GNL2: variants seen among roughly 807,000 people sequenced by gnomAD.
GNL2 encodes G protein nucleolar 2, also known as nucleolar GTP-binding protein 2.
In GNL2, 51 loss-of-function variants were observed where a neutral mutation model predicts 92.3. That is an observed-to-expected ratio of 0.55 (90% confidence interval 0.44 to 0.70). GNL2 has a LOEUF of 0.70. Among genes scored for constraint, GNL2 ranks in the 30% least tolerant of loss-of-function variants. The probability of loss-of-function intolerance (pLI) is 0.00; values close to 1 mark genes in which losing one functional copy is unlikely to be tolerated. For missense variants in GNL2, 844 were observed against 895.6 expected, an observed-to-expected ratio of 0.94 and a Z score of 0.74; for synonymous variants, 283 against 300.6, an observed-to-expected ratio of 0.94 and a Z score of 0.61.
chr1:37,595,668 T>G, intron 1 of GNL2, 91 bp downstream of exon 1: 4 of 1,091,892 alleles, frequency 3.7e-6, no homozygotes, highest in Non-Finnish European at 5.6e-6. Context: ...GCAATGCCAC[T>G]CGAGTAACCC....
At position 37,576,551 on chromosome 1, in the gene GNL2, G is replaced by A; in HGVS notation, c.915C>T (p.His305=). 1 of 1,613,744 alleles carries A rather than the reference G, an allele frequency of 6.2e-7. No homozygotes were observed. The highest frequency in any genetic ancestry group is 8.5e-7 in the Non-Finnish European group (1 of 1,179,842). ...CAACACTGATCTGTTTCTTGTCAGTGTGCAACTGTTCAAAGAGAGAATACA... is the reference window on the plus strand; with the variant it reads ...CAACACTGATCTGTTTCTTGTCAGTATGCAACTGTTCAAAGAGAGAATACA... The part of the protein sequence containing the change: ...IQLLRQFGKL[H]TDKKQISVGF... Residue 305 remains histidine (H), a synonymous_variant, in exon 9 of 16, where the codon CAC becomes CAT. Coordinates refer to ENST00000373062, the MANE Select transcript of GNL2 (RefSeq NM_013285.3).
chr1:37,577,852 G>A (rs1214179833), intron 8 of GNL2, among the ~76,000 whole-genome samples: 1 of 152,180 alleles, frequency 6.6e-6, no homozygotes, highest in Non-Finnish European at 1.5e-5. Flanking sequence ...TATGAAAGTG[G>A]CTTTTGGATT....
chr1:37,570,073 G>A (rs1198385693), intron 12 of GNL2: 1 of 152,140 alleles, frequency 6.6e-6, no homozygotes, highest in African/African-American at 2.4e-5. Flanking sequence ...AAACTAACCA[G>A]TCTCATGTAT....
chr1:37,575,851 T>A lies in GNL2; in HGVS notation c.1039-152A>T, dbSNP rs1643669568. On this transcript the variant is annotated intron_variant, in intron 9 of 15. Coordinates refer to ENST00000373062, the MANE Select transcript of GNL2 (RefSeq NM_013285.3). The surrounding 1 kb of genome is among the most constrained non-coding windows in gnomAD (Gnocchi z 4.1). ...AGTAATTAAGCTACTAACTCTCTCA[T>A]CTGTGCCGTGCACAAGATACTTCCA... The A allele has an allele frequency of 3.5e-6, 2 of 570,142 alleles. No individual in the cohort carries two copies. The highest frequency in any genetic ancestry group is 3.7e-5 in the Admixed American group (1 of 27,098). The allele number at this position is 570,142 out of a possible 1,614,324, so 35.3% of individuals were successfully genotyped here.
Position 37,584,066 on chromosome 1 carries a change from T to C in GNL2, c.570-133A>G, listed in dbSNP as rs985493057. ...AGATGGACCAGAAACAAACTGAATTTAAAAAGTGTGCCCAAATGTCTGTCA... is the reference window on the plus strand; with the variant it reads ...AGATGGACCAGAAACAAACTGAATTCAAAAAGTGTGCCCAAATGTCTGTCA... On this transcript the variant is annotated intron_variant, in intron 5 of 15. Transcript: ENST00000373062. 6.1e-6 allele frequency: 4 copies of C among 656,598 alleles called. No individual in the cohort carries two copies. In the African/African-American group the frequency reaches 7.2e-5, roughly 12 times the overall value. 40.7% of individuals were successfully genotyped at this position (656,598 alleles called of 1,614,324 possible).
intron 3 of GNL2, among the ~76,000 whole-genome samples, chr1:37,591,398 C>T (rs113038562): frequency 1.3e-5 from 2 of 152,092 alleles, no homozygotes; most frequent in East Asian, 1.9e-4. Flanking sequence ...CAGCATGCTG[C>T]GGCATAAATG....
At chr1:37,580,052 C>G (rs1244899891) in intron 8 of GNL2, among the ~76,000 whole-genome samples, 1 of 152,080 alleles carries the variant, frequency 6.6e-6, no homozygotes, top group Non-Finnish European at 1.5e-5. Context: ...TCATCAAACG[C>G]CAAGCTCACT....
rs534594596 is a variant in GNL2, at chr1:37,595,914, T to C, written c.-92A>G. The C allele has an allele frequency of 1.5e-5, 16 of 1,053,590 alleles. No homozygotes were observed. Among genetic ancestry groups the C allele is most frequent in the Non-Finnish European group, 8.8e-6 (6 of 679,816 alleles). The allele number at this position is 1,053,590 out of a possible 1,614,324, so 65.3% of individuals were successfully genotyped here. Reference sequence around the variant, plus strand: ...CCAAGCCCGGCCGAAGACACCCGCCTGAACCACGCCGGACCACGTGTGCAC... The same window carrying C: ...CCAAGCCCGGCCGAAGACACCCGCCCGAACCACGCCGGACCACGTGTGCAC... On this transcript the variant is annotated 5_prime_UTR_variant, in exon 1 of 16. Transcript: ENST00000373062.
At chr1:37,569,387 GTCCTCT>G (rs1178687059) in intron 12 of GNL2, 85 bp from the exon 13 acceptor site, 1 of 882,382 alleles carries the variant, frequency 1.1e-6, no homozygotes, top group African/African-American at 1.7e-5. Context: ...CTCTTAAACA[GTCCTCT>G]TCTCAGGACT....
intron 12 of GNL2, among the ~76,000 whole-genome samples, chr1:37,573,964 G>A (rs926991912): frequency 2.6e-5 from 4 of 152,024 alleles, no homozygotes; most frequent in African/African-American, 7.3e-5. Flanking sequence ...GCACGATCTC[G>A]GCTCACTGCA....
At chr1:37,593,892 G>A in intron 1 of GNL2, 46 bp from the exon 2 acceptor site, 1 of 1,391,448 alleles carries the variant, frequency 7.2e-7, no homozygotes, top group Non-Finnish European at 1.0e-6. Context: ...TAACCAACCA[G>A]TATAACCAAC....
chr1:37,576,810 T>A (rs768741462), intron 8 of GNL2, among the ~76,000 whole-genome samples: 3 of 152,258 alleles, frequency 2.0e-5, no homozygotes, highest in Non-Finnish European at 4.4e-5. Context: ...TAAAAGTATG[T>A]AGGTCAAGAA....
rs1425753697 is a variant in GNL2, at chr1:37,595,839, G to A, written c.-17C>T. 9.3e-6 allele frequency: 15 copies of A among 1,612,360 alleles called. No homozygotes were observed. Among genetic ancestry groups the A allele is most frequent in the African/African-American group, 1.3e-5 (1 of 74,888 alleles). On this transcript the variant is annotated 5_prime_UTR_variant, in exon 1 of 16. Coordinates refer to ENST00000373062, the MANE Select transcript of GNL2 (RefSeq NM_013285.3). ...CTTCACCATCTTGGCGACGAGACCG[G>A]GACCGGAGTGCGAGGTCCGGCTTAC...
At chr1:37,586,105 C>T (rs1010536835) in intron 5 of GNL2, among the ~76,000 whole-genome samples, 1 of 152,154 alleles carries the variant, frequency 6.6e-6, no homozygotes, top group South Asian at 2.1e-4. Flanking sequence ...AACAATGAGA[C>T]TGGCCATAAC....
At chr1:37,594,642 T>G (rs979965655) in intron 1 of GNL2, among the ~76,000 whole-genome samples, 10 of 152,166 alleles carry the variant, frequency 6.6e-5, no homozygotes, top group African/African-American at 1.9e-4. Context: ...CCCCGGTTCA[T>G]GCAATTCTTC....
intron 2 of GNL2, chr1:37,593,522 G>A: frequency 2.2e-6 from 1 of 458,036 alleles, no homozygotes; most frequent in Non-Finnish European, 3.9e-6. Flanking sequence ...TCAGGGCTGT[G>A]AGAAACAAGA....
rs572736027 is a variant in GNL2, at chr1:37,595,276, C to CA, written c.64+482dup. 2.4e-3 allele frequency among the ~76,000 whole-genome samples: 369 copies of CA among 152,326 alleles called. 1 individual carries two copies. The highest frequency in any genetic ancestry group is 8.4e-3 in the African/African-American group (348 of 41,584). ...ACACATCTCCTAAACAGCCTTACTG[C>CA]AATGATCATACTGACTTCTTTGTAG... On this transcript the variant is annotated intron_variant, in intron 1 of 15. Coordinates refer to ENST00000373062, the MANE Select transcript of GNL2 (RefSeq NM_013285.3).
At chr1:37,576,864 C>A (rs1385123668) in intron 8 of GNL2, among the ~76,000 whole-genome samples, 3 of 152,216 alleles carry the variant, frequency 2.0e-5, no homozygotes, top group African/African-American at 7.2e-5. Flanking sequence ...GTAATCCCAG[C>A]ACTTTGGGAG....
In GNL2 at chr1:37,595,832, G is replaced by A; in HGVS notation, c.-10C>T. 6.2e-7 allele frequency: 1 copy of A among 1,613,886 alleles called. No individual in the cohort carries two copies. The highest frequency in any genetic ancestry group is 8.5e-7 in the Non-Finnish European group (1 of 1,179,730). ...ACTTGGGCTTCACCATCTTGGCGAC[G>A]AGACCGGGACCGGAGTGCGAGGTCC... On this transcript the variant is annotated 5_prime_UTR_variant, in exon 1 of 16. Transcript: ENST00000373062.
Sources: allele counts gnomAD v4.1 joint callset (sites outside exome capture counted in the v4.1 genomes callset), GRCh38; gene constraint gnomAD v4.1.1; non-coding constraint Gnocchi (gnomAD v3.1); transcripts MANE v1.5; gene names NCBI Gene and HGNC (gene_info 2026-07-23, HGNC 2026-07-21).